TFEC: variants seen among roughly 807,000 people sequenced by gnomAD.
The protein encoded by TFEC is transcription factor EC.
A neutral mutation model predicts 41.6 loss-of-function variants in TFEC; 31 were observed. The ratio of observed to expected loss-of-function variants is 0.74; its 90% CI spans 0.56 to 1.01. The LOEUF is 1.01. Ranked by LOEUF, TFEC falls within the 50% of genes least tolerant of loss-of-function variation. The pLI is 0.00. For missense variants in TFEC, 402 were observed against 404.1 expected (o/e 0.99, Z 0.04); for synonymous variants, 143 against 140.6 (o/e 1.02, Z -0.12).
At chr7:116,075,930 C>T (rs1275087321) in intron 3 of TFEC, among the ~76,000 whole-genome samples, 1 of 152,204 alleles carries the variant, frequency 6.6e-6, no homozygotes, top group Non-Finnish European at 1.5e-5. Flanking sequence ...CTAATGCGCT[C>T]TTGAAAGTGC....
intron 1 of TFEC, among the ~76,000 whole-genome samples, chr7:116,142,537 T>C (rs1350275647): frequency 2.6e-5 from 4 of 152,178 alleles, no homozygotes; most frequent in Non-Finnish European, 4.4e-5. Flanking sequence ...TCCACCCAGA[T>C]ATTTGGAATT....
At chr7:115,941,084 T>C in intron 7 of TFEC, 153 bp from the exon 8 acceptor site, 1 of 769,876 alleles carries the variant, frequency 1.3e-6, no homozygotes, top group Non-Finnish European at 2.0e-6. Context: ...ATAATGAAAT[T>C]GATACATTTC....
At chr7:116,001,008 A>G (rs2130773455) in intron 1 of TFEC, among the ~76,000 whole-genome samples, 1 of 152,292 alleles carries the variant, frequency 6.6e-6, no homozygotes, top group Non-Finnish European at 1.5e-5. Flanking sequence ...ATCCAAAGCT[A>G]TCCAGAGCAA....
intron 3 of TFEC, among the ~76,000 whole-genome samples, chr7:116,043,798 T>C (rs575524348): frequency 1.3e-5 from 2 of 152,176 alleles, no homozygotes; most frequent in Non-Finnish European, 2.9e-5. Context: ...CACTGAGAAA[T>C]CCAAAGTCAG....
intron 3 of TFEC, among the ~76,000 whole-genome samples, chr7:115,970,555 G>C (rs901095063): frequency 6.6e-6 from 1 of 151,986 alleles, no homozygotes; most frequent in South Asian, 2.1e-4. Flanking sequence ...CTTTTAGTGA[G>C]TGTTATTAAA....
At chr7:116,108,996 G>A (rs1396488601) in intron 3 of TFEC, among the ~76,000 whole-genome samples, 1 of 151,986 alleles carries the variant, frequency 6.6e-6, no homozygotes, top group East Asian at 1.9e-4. Context: ...TTAATAAATG[G>A]TGCTGGGAAA....
At chr7:116,051,948 T>A (rs1796322500) in intron 3 of TFEC, among the ~76,000 whole-genome samples, 1 of 152,052 alleles carries the variant, frequency 6.6e-6, no homozygotes. Flanking sequence ...TAGAGGAAAC[T>A]AGAACTCAAG....
intron 3 of TFEC, chr7:115,968,131 T>A: frequency 6.7e-7 from 1 of 1,493,886 alleles, no homozygotes; most frequent in Non-Finnish European, 8.9e-7. Flanking sequence ...AATTCAGTAT[T>A]TAAGGTGGTT....
At chr7:115,999,702 G>A (rs1448432620) in intron 1 of TFEC, among the ~76,000 whole-genome samples, 1 of 151,874 alleles carries the variant, frequency 6.6e-6, no homozygotes, top group African/African-American at 2.4e-5. Context: ...ATATGAGCAA[G>A]TATATGCCAA....
intron 1 of TFEC, among the ~76,000 whole-genome samples, chr7:116,005,009 G>C (rs972102190): frequency 6.6e-6 from 1 of 152,114 alleles, no homozygotes; most frequent in Admixed American, 6.5e-5. Flanking sequence ...CACAAGTTCT[G>C]TTCTCTTGTC....
intron 1 of TFEC, among the ~76,000 whole-genome samples, chr7:115,993,103 A>C (rs992388923): frequency 6.6e-6 from 1 of 152,176 alleles, no homozygotes; most frequent in African/African-American, 2.4e-5. Context: ...CAAAGACAAA[A>C]ACCACATGAT....
At chr7:116,114,340 A>C (rs551923329) in intron 1 of TFEC, among the ~76,000 whole-genome samples, 1 of 152,150 alleles carries the variant, frequency 6.6e-6, no homozygotes, top group African/African-American at 2.4e-5. Flanking sequence ...CAGTTGATCA[A>C]AGTTTCAGTG....
At chr7:115,948,518 T>C (rs1416253520) in intron 6 of TFEC, among the ~76,000 whole-genome samples, 4 of 152,136 alleles carry the variant, frequency 2.6e-5, no homozygotes, top group Non-Finnish European at 4.4e-5. Context: ...GTGGGCTTCA[T>C]CCCTGGGATG....
At chr7:115,984,623 G>C in intron 1 of TFEC, 110 bp from the exon 2 acceptor site, 1 of 1,283,456 alleles carries the variant, frequency 7.8e-7, no homozygotes, top group Non-Finnish European at 1.1e-6. Flanking sequence ...ATAGCATCTA[G>C]TTTCTCTCCA....
intron 3 of TFEC, 35 bp from the exon 4 acceptor site, chr7:115,956,828 A>G (rs986866988): frequency 7.3e-7 from 1 of 1,377,484 alleles, no homozygotes; most frequent in Non-Finnish European, 1.0e-6. Context: ...ATTAATAAAA[A>G]CCTTCTGTGC....
chr7:116,061,964 G>A (rs2130991194), intron 3 of TFEC, among the ~76,000 whole-genome samples: 1 of 151,574 alleles, frequency 6.6e-6, no homozygotes. Context: ...GGTTGTGAAG[G>A]AACTTGAACT....
chr7:115,951,039 C>A lies in TFEC; in HGVS notation c.440-90G>T, dbSNP rs963853898. 11 of 696,156 alleles carry A rather than the reference C, an allele frequency of 1.6e-5. No individual in the cohort carries two copies. In the African/African-American group the frequency reaches 1.7e-4, roughly 11 times the overall value. 43.1% of individuals were successfully genotyped at this position (696,156 alleles called of 1,614,324 possible). A position where few individuals can be genotyped will look rare whatever the true frequency, so the allele number is the denominator to read the frequency against. On this transcript the variant is annotated intron_variant, in intron 5 of 7. Coordinates refer to ENST00000265440, the MANE Select transcript of TFEC (RefSeq NM_012252.4). ...AACATTTTTAACAATCTTTTAAAAACAATGGGAAAAAAACTTTCCATTTAG... is the reference window on the plus strand; with the variant it reads ...AACATTTTTAACAATCTTTTAAAAAAAATGGGAAAAAAACTTTCCATTTAG...
chr7:116,085,528 A>G (rs962142255), intron 3 of TFEC, among the ~76,000 whole-genome samples: 1 of 151,950 alleles, frequency 6.6e-6, no homozygotes, highest in African/African-American at 2.4e-5. Flanking sequence ...ACAGATACTA[A>G]AATCCCATAC....
chr7:115,972,413 T>C (rs1298317345), intron 3 of TFEC, among the ~76,000 whole-genome samples: 2 of 152,114 alleles, frequency 1.3e-5, no homozygotes, highest in East Asian at 1.9e-4. Context: ...GTTACGTGAT[T>C]TGCACAATGT....
Sources: gnomAD v4.1 joint callset for allele counts (sites outside exome capture counted in the v4.1 genomes callset) on GRCh38, gnomAD v4.1.1 for gene constraint, MANE v1.5 for transcripts, NCBI Gene and HGNC (gene_info 2026-07-23, HGNC 2026-07-21) for gene names.